Variants in REDIC1 observed in about 807,000 individuals in gnomAD.
REDIC1 encodes HEI10 Interacting Protein 1.
chr12:39,714,263 A>C, the REDIC1 span, among the ~76,000 whole-genome samples: 20 of 111,260 alleles, frequency 1.8e-4, 2 homozygotes, highest in African/African-American at 5.8e-4. Flanking sequence ...ATATGCATGC[A>C]TATATGTATA....
the REDIC1 span, among the ~76,000 whole-genome samples, chr12:39,672,020 T>C: frequency 6.6e-6 from 1 of 152,018 alleles, no homozygotes; most frequent in African/African-American, 2.4e-5. Flanking sequence ...GTGGTGTACA[T>C]GGGCACAGGC....
chr12:39,706,051 G>T, the REDIC1 span, among the ~76,000 whole-genome samples: 1 of 151,954 alleles, frequency 6.6e-6, no homozygotes, highest in African/African-American at 2.4e-5. Context: ...CAATGATGTG[G>T]TCTTATATTT....
the REDIC1 span, among the ~76,000 whole-genome samples, chr12:39,712,409 TAC>T: frequency 1.4e-3 from 183 of 135,092 alleles, 1 homozygote; most frequent in Middle Eastern, 6.6e-3. Flanking sequence ...TATATATACA[TAC>T]GTATATACAT....
the REDIC1 span, among the ~76,000 whole-genome samples, chr12:39,850,622 T>C: frequency 6.6e-6 from 1 of 152,190 alleles, no homozygotes; most frequent in Non-Finnish European, 1.5e-5. Flanking sequence ...GCCAAAAATT[T>C]ACACATTCAT....
the REDIC1 span, among the ~76,000 whole-genome samples, chr12:39,710,838 A>T: frequency 6.6e-6 from 1 of 151,666 alleles, no homozygotes; most frequent in Non-Finnish European, 1.5e-5. Flanking sequence ...TCTAATAACT[A>T]TCACAGTGCC....
the REDIC1 span, among the ~76,000 whole-genome samples, chr12:39,734,911 A>G: frequency 2.6e-5 from 4 of 152,208 alleles, no homozygotes; most frequent in Non-Finnish European, 4.4e-5. Context: ...TTGACTCGCT[A>G]TCTCAATTTG....
the REDIC1 span, among the ~76,000 whole-genome samples, chr12:39,765,327 G>A: frequency 6.3e-4 from 96 of 152,110 alleles, 2 homozygotes; most frequent in East Asian, 0.016. Context: ...GGAAACAAAT[G>A]ATTCTATCTG....
chr12:39,763,830 T>A, the REDIC1 span, among the ~76,000 whole-genome samples: 1 of 152,108 alleles, frequency 6.6e-6, no homozygotes, highest in African/African-American at 2.4e-5. Context: ...CACTAAGCAC[T>A]ATTGTTTTTC....
At chr12:39,774,211 C>T in the REDIC1 span, among the ~76,000 whole-genome samples, 1 of 152,166 alleles carries the variant, frequency 6.6e-6, no homozygotes, top group Non-Finnish European at 1.5e-5. Flanking sequence ...CACCTTCACT[C>T]TTATCTGAGG....
chr12:39,757,784 C>G, the REDIC1 span: 5 of 152,246 alleles, frequency 3.3e-5, no homozygotes, highest in Admixed American at 3.3e-4. Flanking sequence ...TAGGAAATAA[C>G]AAGAGTCCAG....
At chr12:39,877,775 C>A in the REDIC1 span, among the ~76,000 whole-genome samples, 1 of 152,114 alleles carries the variant, frequency 6.6e-6, no homozygotes, top group East Asian at 1.9e-4. Context: ...AACCTTTATG[C>A]AGTAGTTTGA....
the REDIC1 span, among the ~76,000 whole-genome samples, chr12:39,743,488 C>T: frequency 6.6e-6 from 1 of 152,208 alleles, no homozygotes; most frequent in East Asian, 1.9e-4. Context: ...AGGCAAAAAA[C>T]ACAATTTGAA....
At chr12:39,877,509 A>C in the REDIC1 span, among the ~76,000 whole-genome samples, 1 of 152,226 alleles carries the variant, frequency 6.6e-6, no homozygotes, top group Non-Finnish European at 1.5e-5. Flanking sequence ...AACCGTATCA[A>C]TAACTATCAC....
chr12:39,741,097 G>A, the REDIC1 span, among the ~76,000 whole-genome samples: 1 of 152,142 alleles, frequency 6.6e-6, no homozygotes, highest in Non-Finnish European at 1.5e-5. Flanking sequence ...CTCCCCAGTA[G>A]CTGGGATTAC....
the REDIC1 span, chr12:39,755,316 A>G: frequency 1.3e-5 from 2 of 152,100 alleles, no homozygotes; most frequent in Non-Finnish European, 2.9e-5. Context: ...AGACATCTGA[A>G]GTATTAAATA....
chr12:39,686,792 C>T, the REDIC1 span, among the ~76,000 whole-genome samples: 1 of 152,150 alleles, frequency 6.6e-6, no homozygotes, highest in Non-Finnish European at 1.5e-5. Flanking sequence ...ATATAAGTTC[C>T]AGTTTTATAT....
chr12:39,666,432 G>A, the REDIC1 span, among the ~76,000 whole-genome samples: 1 of 152,142 alleles, frequency 6.6e-6, no homozygotes, highest in Non-Finnish European at 1.5e-5. Flanking sequence ...GATCATGGTG[G>A]ATAAGCTTTT....
At chr12:39,812,388 TTC>T in the REDIC1 span, among the ~76,000 whole-genome samples, 38 of 124,814 alleles carry the variant, frequency 3.0e-4, no homozygotes, top group East Asian at 8.1e-4. Context: ...TTTTCTTTCT[TTC>T]TCTCTCTCTT....
At chr12:39,864,604 G>A in the REDIC1 span, among the ~76,000 whole-genome samples, 1 of 151,974 alleles carries the variant, frequency 6.6e-6, no homozygotes, top group Non-Finnish European at 1.5e-5. Flanking sequence ...CCTCTTCCTA[G>A]GGGCCCCTCT....
Sources: gnomAD v4.1 joint callset for allele counts (sites outside exome capture counted in the v4.1 genomes callset) on GRCh38, gnomAD v4.1.1 for gene constraint, MANE v1.5 for transcripts, NCBI Gene and HGNC (gene_info 2026-07-23, HGNC 2026-07-21) for gene names.